The following SMYD3 variants were observed in gnomAD, a reference collection of about 807,000 sequenced individuals.
SMYD3 encodes SET and MYND domain containing 3.
In SMYD3, 36 loss-of-function variants were observed where a neutral mutation model predicts 57.7. The observed-to-expected ratio is 0.62, with a 90% CI of 0.48 to 0.82. The LOEUF (loss-of-function observed/expected upper bound fraction) is 0.82. Ranked by LOEUF, SMYD3 falls within the 40% of genes least tolerant of loss-of-function variation. SMYD3 has a pLI of 0.00. For missense variants in SMYD3, 515 were observed against 538.8 expected (o/e 0.96, Z 0.44); for synonymous variants, 211 against 195.0 (o/e 1.08, Z -0.68).
intron 5 of SMYD3, among the ~76,000 whole-genome samples, chr1:246,028,346 A>G (rs1224963912): frequency 5.3e-5 from 8 of 152,194 alleles, no homozygotes; most frequent in African/African-American, 1.9e-4. Context: ...GAAAAATCTA[A>G]AGACTCCACC....
intron 10 of SMYD3, among the ~76,000 whole-genome samples, chr1:245,810,620 C>T (rs1030547577): frequency 2.6e-5 from 4 of 152,096 alleles, no homozygotes; most frequent in African/African-American, 4.8e-5. Flanking sequence ...CTCTGACCTG[C>T]GCTATGGACC....
intron 8 of SMYD3, among the ~76,000 whole-genome samples, chr1:245,884,939 G>A (rs1045858105): frequency 2.0e-5 from 3 of 152,084 alleles, no homozygotes; most frequent in East Asian, 1.9e-4. Context: ...TCCACGCTGT[G>A]GAAGCTTTGT....
intron 5 of SMYD3, among the ~76,000 whole-genome samples, chr1:246,086,384 C>T (rs1300082971): frequency 1.3e-5 from 2 of 152,136 alleles, no homozygotes; most frequent in African/African-American, 4.8e-5. Context: ...TGTATCTGTG[C>T]ATGAGTCAGT....
chr1:245,804,431 G>A (rs559885454), intron 10 of SMYD3, among the ~76,000 whole-genome samples: 286 of 152,106 alleles, frequency 1.9e-3, no homozygotes, highest in African/African-American at 6.1e-3. Context: ...AAATACGGGC[G>A]CCTGTAGTCC....
At chr1:246,379,564 G>A (rs144375592) in intron 1 of SMYD3, among the ~76,000 whole-genome samples, 4 of 152,186 alleles carry the variant, frequency 2.6e-5, no homozygotes, top group East Asian at 1.9e-4. Context: ...CTGAATTAAC[G>A]TAACAGTTGA....
chr1:246,222,471 C>A (rs1282215784), intron 5 of SMYD3, among the ~76,000 whole-genome samples: 1 of 152,076 alleles, frequency 6.6e-6, no homozygotes, highest in African/African-American at 2.4e-5. Context: ...CTCACAGCCT[C>A]CATTGCCTCA....
intron 5 of SMYD3, among the ~76,000 whole-genome samples, chr1:245,944,169 G>A (rs2057357320): frequency 6.6e-6 from 1 of 152,202 alleles, no homozygotes; most frequent in East Asian, 1.9e-4. Context: ...GAAATAAAGG[G>A]TACTCAAATA....
intron 5 of SMYD3, among the ~76,000 whole-genome samples, chr1:246,194,417 T>C (rs1223316245): frequency 3.9e-5 from 6 of 152,098 alleles, no homozygotes; most frequent in Admixed American, 2.6e-4. Context: ...TACGGGCATG[T>C]GCCATCATGC....
chr1:245,981,988 C>T (rs1311415332), intron 5 of SMYD3, among the ~76,000 whole-genome samples: 2 of 152,222 alleles, frequency 1.3e-5, no homozygotes, highest in African/African-American at 4.8e-5. Flanking sequence ...TCATGGGGAC[C>T]TTGAGCACGT....
intron 5 of SMYD3, among the ~76,000 whole-genome samples, chr1:246,129,042 C>A (rs1327603116): frequency 6.6e-6 from 1 of 152,090 alleles, no homozygotes; most frequent in East Asian, 1.9e-4. Context: ...CAGCGATCTG[C>A]GCACCTCGGC....
intron 5 of SMYD3, among the ~76,000 whole-genome samples, chr1:246,001,465 A>G (rs1156697271): frequency 6.6e-6 from 1 of 152,174 alleles, no homozygotes; most frequent in Admixed American, 6.5e-5. Context: ...GTCTGGCTTC[A>G]TCCTGGAAAC....
In SMYD3 at chr1:246,348,077, T is replaced by TATATATATATATATATATACAC; in HGVS notation, c.228+6953_228+6954insGTGTATATATATATATATATAT. Among the ~76,000 whole-genome samples the TATATATATATATATATATACAC allele has an allele frequency of 3.8e-4, 33 of 86,504 alleles. 2 individuals carry two copies. The highest frequency in any genetic ancestry group is 9.5e-4 in the Admixed American group (7 of 7,370). 56.7% of individuals were successfully genotyped at this position (86,504 alleles called of 152,430 possible). A position where few individuals can be genotyped will look rare whatever the true frequency, so the allele number is the denominator to read the frequency against. ...AGAAAACGTTATATATATATATATATACACACACACCATCAAATACTATGA... is the reference window on the plus strand; with the variant it reads ...AGAAAACGTTATATATATATATATATATATATATATATATATATACACACACACACACCATCAAATACTATGA... On this transcript the variant is annotated intron_variant, in intron 2 of 11. Coordinates refer to ENST00000490107, the MANE Select transcript of SMYD3 (RefSeq NM_001167740.2).
intron 5 of SMYD3, among the ~76,000 whole-genome samples, chr1:246,130,196 G>A (rs1316968929): frequency 6.6e-6 from 1 of 152,110 alleles, no homozygotes; most frequent in Admixed American, 6.5e-5. Flanking sequence ...TCTTCACCTT[G>A]AGAGGCTACA....
At chr1:246,175,408 A>ATAAC (rs1425415654) in intron 5 of SMYD3, among the ~76,000 whole-genome samples, 38 of 152,338 alleles carry the variant, frequency 2.5e-4, no homozygotes, top group African/African-American at 9.1e-4. Flanking sequence ...ATCTGGAGTA[A>ATAAC]TAACTGTCTG....
Position 246,125,041 on chromosome 1 carries a change from C to T in SMYD3, c.532-195104G>A, listed in dbSNP as rs1049739989. On this transcript the variant is annotated intron_variant, in intron 5 of 11. Coordinates refer to ENST00000490107, the MANE Select transcript of SMYD3 (RefSeq NM_001167740.2). ...GAGCCGAGATCGCGCCACTGCACTC[C>T]AGCCTGGGCGACAGAGCGAGACTCC... 3.5e-5 allele frequency among the ~76,000 whole-genome samples: 5 copies of T among 142,456 alleles called. No homozygotes were observed. The South Asian group carries it at 1.2e-3, about 33-fold the overall frequency. The allele number at this position is 142,456 out of a possible 152,430, so 93.5% of individuals were successfully genotyped here.
At chr1:245,775,148 G>A (rs1476474605) in intron 10 of SMYD3, among the ~76,000 whole-genome samples, 9 of 152,138 alleles carry the variant, frequency 5.9e-5, no homozygotes, top group South Asian at 4.2e-4. Context: ...GAGCATCTCC[G>A]CCCGGCAGCC....
intron 1 of SMYD3, among the ~76,000 whole-genome samples, chr1:246,386,062 G>A (rs1385941263): frequency 6.6e-6 from 1 of 152,074 alleles, no homozygotes; most frequent in Non-Finnish European, 1.5e-5. Flanking sequence ...CTAATTTTTT[G>A]TATTTTTAGT....
intron 5 of SMYD3, among the ~76,000 whole-genome samples, chr1:246,185,622 C>G (rs562358711): frequency 6.6e-6 from 1 of 151,962 alleles, no homozygotes; most frequent in Non-Finnish European, 1.5e-5. Context: ...CCACCACGCC[C>G]GGCTAATTTT....
At chr1:246,133,735 G>A (rs2061623545) in intron 5 of SMYD3, among the ~76,000 whole-genome samples, 1 of 152,054 alleles carries the variant, frequency 6.6e-6, no homozygotes, top group African/African-American at 2.4e-5. Context: ...GAAAGAGGGA[G>A]AACACATGTG....
Sources: allele counts gnomAD v4.1 joint callset (sites outside exome capture counted in the v4.1 genomes callset), GRCh38; gene constraint gnomAD v4.1.1; transcripts MANE v1.5; gene names NCBI Gene and HGNC (gene_info 2026-07-23, HGNC 2026-07-21).